The following PKN3 variants were observed in gnomAD, a reference collection of about 807,000 sequenced individuals.
PKN3 encodes the protein protein kinase N3, also known as serine/threonine-protein kinase N3.
Under a neutral mutation model 113.1 loss-of-function variants are expected in PKN3, and 91 were observed. The ratio of observed to expected loss-of-function variants is 0.80; its 90% confidence interval spans 0.68 to 0.96. The LOEUF (loss-of-function observed/expected upper bound fraction) is 0.96. Among genes scored for constraint, PKN3 ranks in the 40% least tolerant of loss-of-function variants. The probability of loss-of-function intolerance (pLI) is 0.00; values close to 1 mark genes in which losing one functional copy is unlikely to be tolerated. For synonymous variants in PKN3, 467 were observed against 499.0 expected, an observed-to-expected ratio of 0.94 and a Z score of 0.85; for missense variants, 1,052 against 1,202.2, an observed-to-expected ratio of 0.88 and a Z score of 1.85.
chr9:128,708,476 G>A (rs1862084853), intron 6 of PKN3, among the ~76,000 whole-genome samples: 1 of 151,946 alleles, frequency 6.6e-6, no homozygotes, highest in South Asian at 2.1e-4. Flanking sequence ...CTGGCACTTT[G>A]AGAGGCTGAG....
chr9:128,713,134 C>T lies in PKN3; in HGVS notation c.918C>T (p.Ser306=). The part of the protein sequence containing the change: ...PGRSPAAALA[S]SPSEGWLRTK... ...GCTCCCCAGCGGCCGCACTGGCCAG[C>T]AGCCCCTCCGAGGGCTGGCTTCGGA... The change falls in exon 7 of 22, where the codon AGC becomes AGT. Residue 306 remains serine (S), a synonymous_variant. Coordinates refer to ENST00000291906, the MANE Select transcript of PKN3 (RefSeq NM_013355.5). The T allele has an allele frequency of 1.2e-6, 2 of 1,611,912 alleles. No homozygotes were observed. Among genetic ancestry groups the T allele is most frequent in the African/African-American group, 1.3e-5 (1 of 75,034 alleles).
Position 128,720,743 on chromosome 9 carries a change from G to A in PKN3, c.*137G>A, listed in dbSNP as rs1046150335. The A allele has an allele frequency of 3.0e-5, 22 of 745,446 alleles. No homozygotes were observed. The highest frequency in any genetic ancestry group is 1.8e-5 in the African/African-American group (1 of 57,062). The allele number at this position is 745,446 out of a possible 1,614,324, so 46.2% of individuals were successfully genotyped here. A position where few individuals can be genotyped will look rare whatever the true frequency, so the allele number is the denominator to read the frequency against. ...TTGGGATTCAAAGTGGCAGCCATGG[G>A]GCCACTGTTGTGGGCTTTGCTCAGT... is the stretch of plus-strand genomic sequence containing the variant. On this transcript the variant is annotated 3_prime_UTR_variant, in exon 22 of 22. Coordinates refer to ENST00000291906, the MANE Select transcript of PKN3 (RefSeq NM_013355.5). This position sits in a 1 kb window ranked among gnomAD's most constrained non-coding sequence, Gnocchi z 5.5.
chr9:128,707,323 C>G lies in PKN3; in HGVS notation c.753C>G (p.Ser251Arg). 2 of 1,614,006 alleles carry G rather than the reference C, an allele frequency of 1.2e-6. No individual in the cohort carries two copies. Among genetic ancestry groups the G allele is most frequent in the African/African-American group, 2.7e-5 (2 of 75,082 alleles). Residue 251 changes from serine to arginine, a missense_variant, in exon 6 of 22, where the codon AGC (serine) becomes AGG (arginine). Coordinates refer to ENST00000291906, the MANE Select transcript of PKN3 (RefSeq NM_013355.5). ...TGCCTCCTGCCCACCCTTTGCGCAG[C>G]AGAGTGACCCGAGAGTTGCGGGCTG... ...EQLPPAHPLR[S>R]RVTRELRAAV... is the part of the protein sequence containing the mutation.
At position 128,719,760 on chromosome 9, in the gene PKN3, GA is replaced by G; in HGVS notation, c.2201del (p.Glu734GlyfsTer126). 1 of 1,606,290 alleles carries G rather than the reference GA, an allele frequency of 6.2e-7. No individual in the cohort carries two copies. Among genetic ancestry groups the G allele is most frequent in the East Asian group, 2.2e-5 (1 of 44,774 alleles). ...CCTGGCTCCCGAGGTGCTGACCCAGGAGGCATACACACGGGCTGTGGACTGG... is the reference window on the plus strand; with the variant it reads ...CCTGGCTCCCGAGGTGCTGACCCAGGGGCATACACACGGGCTGTGGACTGG... ...EFLAPEVLTQEAYTRAVDWWG... is the reference protein window; with the variant it reads ...EFLAPEVLTQXAYTRAVDWWG... On this transcript the variant is annotated frameshift_variant, in exon 19 of 22. Transcript: ENST00000291906. LOFTEE classifies it high-confidence loss of function.
At chr9:128,707,046 C>G (rs752950417) in intron 5 of PKN3, 23 bp downstream of exon 5, 69 of 1,613,852 alleles carry the variant, frequency 4.3e-5, no homozygotes, top group Non-Finnish European at 5.3e-5. Context: ...CCCTGGCCCT[C>G]TCCTAAGGCT....
chr9:128,720,913 AGT>A, exon 22 of PKN3: 1 of 577,584 alleles, frequency 1.7e-6, no homozygotes, highest in Non-Finnish European at 3.0e-6. This position sits in a 1 kb window ranked among gnomAD's most constrained non-coding sequence, Gnocchi z 5.5. Flanking sequence ...AATTTGTAAA[AGT>A]GTGCACTGGC....
chr9:128,716,693 G>T, intron 15 of PKN3, 54 bp from the exon 16 acceptor site: 1 of 1,498,354 alleles, frequency 6.7e-7, no homozygotes, highest in East Asian at 2.3e-5. Flanking sequence ...AGGGCACAGG[G>T]CACAGCCCAG....
Position 128,702,695 on chromosome 9 carries a change from G to C in PKN3, c.-221G>C. On this transcript the variant is annotated 5_prime_UTR_variant, in exon 1 of 22. Coordinates refer to ENST00000291906, the MANE Select transcript of PKN3 (RefSeq NM_013355.5). Reference sequence around the variant, plus strand: ...GAATTTTGGATCCGAGGGAGGCGCTGGGGCGCGGGACCTCGGGCGTGGGGT... The same window carrying C: ...GAATTTTGGATCCGAGGGAGGCGCTCGGGCGCGGGACCTCGGGCGTGGGGT... The C allele has an allele frequency of 2.1e-6, 1 of 466,932 alleles. No individual in the cohort carries two copies. Among genetic ancestry groups the C allele is most frequent in the Non-Finnish European group, 3.7e-6 (1 of 268,078 alleles). The allele number at this position is 466,932 out of a possible 1,614,324, so 28.9% of individuals were successfully genotyped here. A position where few individuals can be genotyped will look rare whatever the true frequency, so the allele number is the denominator to read the frequency against.
intron 6 of PKN3, among the ~76,000 whole-genome samples, chr9:128,711,307 CTT>C (rs769509901): frequency 2.6e-4 from 34 of 131,264 alleles, no homozygotes; most frequent in Admixed American, 5.3e-4. Flanking sequence ...CGCCCCACCT[CTT>C]TTTTTTTTTT....
At chr9:128,706,267 C>T (rs915617746) in intron 3 of PKN3, among the ~76,000 whole-genome samples, 1 of 151,596 alleles carries the variant, frequency 6.6e-6, no homozygotes, top group African/African-American at 2.4e-5. Flanking sequence ...TATCCCCAGC[C>T]CTGATCTGAT....
At chr9:128,717,600 C>T (rs564884116) in intron 16 of PKN3, among the ~76,000 whole-genome samples, 8 of 151,156 alleles carry the variant, frequency 5.3e-5, no homozygotes, top group South Asian at 2.1e-4. Flanking sequence ...TGGTGGCACA[C>T]GCCTGTAATC....
rs1016413869 is a variant in PKN3 at position 128,714,593 on chromosome 9, G to A, written c.1513G>A (p.Glu505Lys). ...CCTGCCCAAGAAGACCCCCTTGGGT[G>A]AAGAGATGACACCCCCACCCAAGCC... ...NFLPKKTPLGEEMTPPPKPPR... is the reference protein window; with the variant it reads ...NFLPKKTPLGKEMTPPPKPPR... Residue 505 changes from glutamate to lysine, a missense_variant, in exon 12 of 22, where the codon GAA (glutamate) becomes AAA (lysine). Physicochemically the swap from Glu to Lys is moderately conservative, Grantham distance 56 (BLOSUM62 1). Transcript: ENST00000291906. The A allele has an allele frequency of 1.5e-6, 2 of 1,342,366 alleles. No individual in the cohort carries two copies. Among genetic ancestry groups the A allele is most frequent in the Non-Finnish European group, 2.1e-6 (2 of 931,906 alleles). The allele number at this position is 1,342,366 out of a possible 1,614,324, so 83.2% of individuals were successfully genotyped here. A position where few individuals can be genotyped will look rare whatever the true frequency, so the allele number is the denominator to read the frequency against.
At chr9:128,718,675 T>G (rs1404450182) in intron 18 of PKN3, 50 bp downstream of exon 18, 11 of 1,537,314 alleles carry the variant, frequency 7.2e-6, no homozygotes, top group Non-Finnish European at 9.9e-6. Context: ...TTACCCACCC[T>G]GGCCAATAGG....
Position 128,714,585 on chromosome 9 carries a change from C to A in PKN3, c.1505C>A (p.Pro502His), listed in dbSNP as rs761519542. 4 of 1,277,362 alleles carry A rather than the reference C, an allele frequency of 3.1e-6. No individual in the cohort carries two copies. In the African/African-American group the frequency reaches 5.8e-5, roughly 19 times the overall value. 79.1% of individuals were successfully genotyped at this position (1,277,362 alleles called of 1,614,324 possible). ...AGTAATTTCCTGCCCAAGAAGACCCCCTTGGGTGAAGAGATGACACCCCCA... is the reference window on the plus strand; with the variant it reads ...AGTAATTTCCTGCCCAAGAAGACCCACTTGGGTGAAGAGATGACACCCCCA... ...TPSNFLPKKT[P>H]LGEEMTPPPK... Residue 502 changes from proline to histidine, a missense_variant, in exon 12 of 22, where the codon CCC becomes CAC. Transcript: ENST00000291906.
chr9:128,703,353 G>T, intron 1 of PKN3: 1 of 985,076 alleles, frequency 1.0e-6, no homozygotes, highest in Non-Finnish European at 1.2e-6. Context: ...GCGCAGCGGG[G>T]GGCGCAGTCT....
intron 3 of PKN3, among the ~76,000 whole-genome samples, chr9:128,706,095 C>T (rs527569273): frequency 6.6e-6 from 1 of 152,356 alleles, no homozygotes; most frequent in South Asian, 2.1e-4. Flanking sequence ...CTAGCCCAGC[C>T]CCAGTCCCAA....
In PKN3 at chr9:128,715,325, CCCTGGTCTGGCCCA is replaced by C. The variant is rs1450926349; in HGVS notation, c.1717-38_1717-25del. 3 of 1,608,606 alleles carry C rather than the reference CCCTGGTCTGGCCCA, an allele frequency of 1.9e-6. No individual in the cohort carries two copies. The highest frequency in any genetic ancestry group is 1.7e-5 in the Admixed American group (1 of 59,990). The stretch of plus-strand genomic sequence containing the variant: ...CTGATCTGTGGGGGCGGTAAAGGCT[CCCTGGTCTGGCCCA>C]CCTGGAGCACAACCTCTCTCTGGCC... On this transcript the variant is annotated intron_variant, in intron 14 of 21. Transcript: ENST00000291906. This position sits in a 1 kb window ranked among gnomAD's most constrained non-coding sequence, Gnocchi z 4.1.
intron 16 of PKN3, among the ~76,000 whole-genome samples, chr9:128,717,894 G>A (rs1862393049): frequency 6.7e-6 from 1 of 149,348 alleles, no homozygotes; most frequent in Non-Finnish European, 1.5e-5. Flanking sequence ...AATTAGCTGG[G>A]CGTGGTGGCG....
chr9:128,709,624 T>C (rs1862121067), intron 6 of PKN3, among the ~76,000 whole-genome samples: 1 of 151,434 alleles, frequency 6.6e-6, no homozygotes, highest in African/African-American at 2.4e-5. Flanking sequence ...TGGTGGTGCA[T>C]GCCTATAATC....
Sources: allele counts gnomAD v4.1 joint callset (sites outside exome capture counted in the v4.1 genomes callset), GRCh38; gene constraint gnomAD v4.1.1; non-coding constraint Gnocchi (gnomAD v3.1); transcripts MANE v1.5; gene names NCBI Gene and HGNC (gene_info 2026-07-23, HGNC 2026-07-21).